GRHL2: variants seen among roughly 807,000 people sequenced by gnomAD.
The protein encoded by GRHL2 is grainyhead-like protein 2 homolog.
GRHL2 carries 21 observed loss-of-function variants against 83.8 expected under a neutral mutation model. The observed-to-expected ratio is 0.25, with a 90% CI of 0.18 to 0.36. GRHL2 has a LOEUF of 0.36. GRHL2 is among the 10% of genes least tolerant of loss of function. The probability of loss-of-function intolerance (pLI) is 1.00; values close to 1 mark genes in which losing one functional copy is unlikely to be tolerated. For missense variants in GRHL2, 623 were observed against 781.8 expected, an observed-to-expected ratio of 0.80 and a Z score of 2.42; for synonymous variants, 280 against 278.9, an observed-to-expected ratio of 1.00 and a Z score of -0.04.
intron 4 of GRHL2, among the ~76,000 whole-genome samples, chr8:101,562,651 C>A (rs1167285463): frequency 1.3e-5 from 2 of 152,154 alleles, no homozygotes; most frequent in African/African-American, 4.8e-5. Flanking sequence ...ATCTTGTATT[C>A]ATTGAATTGC....
chr8:101,657,563 G>T (rs1243974280), intron 14 of GRHL2, among the ~76,000 whole-genome samples: 1 of 152,130 alleles, frequency 6.6e-6, no homozygotes, highest in African/African-American at 2.4e-5. Context: ...AGAAAAGGCC[G>T]GGCGTAGTGG....
chr8:101,587,455 C>A (rs1368479429), intron 7 of GRHL2, among the ~76,000 whole-genome samples: 2 of 152,160 alleles, frequency 1.3e-5, no homozygotes, highest in African/African-American at 4.8e-5. Context: ...CACTGATAGA[C>A]CTGCTGTGTT....
intron 14 of GRHL2, among the ~76,000 whole-genome samples, chr8:101,661,948 T>C (rs769428352): frequency 1.4e-4 from 22 of 152,236 alleles, no homozygotes; most frequent in Admixed American, 2.6e-4. Context: ...TTCTTTTCCG[T>C]CATGATTTCC....
At chr8:101,520,005 G>T (rs1810650883) in intron 1 of GRHL2, among the ~76,000 whole-genome samples, 1 of 152,088 alleles carries the variant, frequency 6.6e-6, no homozygotes, top group Non-Finnish European at 1.5e-5. Flanking sequence ...AGTTTAATTG[G>T]CTTTTATTAT....
intron 1 of GRHL2, among the ~76,000 whole-genome samples, chr8:101,506,263 T>A (rs1810338504): frequency 6.6e-6 from 1 of 152,236 alleles, no homozygotes; most frequent in Non-Finnish European, 1.5e-5. Context: ...CCTGGGAGGT[T>A]TCTTTTTCTG....
intron 14 of GRHL2, among the ~76,000 whole-genome samples, chr8:101,661,377 C>T (rs1321260748): frequency 1.3e-5 from 2 of 152,056 alleles, no homozygotes; most frequent in Admixed American, 1.3e-4. Context: ...TCTAGTGGTC[C>T]CTTGAGGTCC....
chr8:101,565,393 A>G (rs1439911087), intron 4 of GRHL2, among the ~76,000 whole-genome samples: 2 of 152,212 alleles, frequency 1.3e-5, no homozygotes, highest in Non-Finnish European at 2.9e-5. Flanking sequence ...AGTTAACAAT[A>G]GTTTCTGGTT....
chr8:101,554,115 T>C (rs1474639409), intron 3 of GRHL2, among the ~76,000 whole-genome samples: 1 of 152,176 alleles, frequency 6.6e-6, no homozygotes, highest in Non-Finnish European at 1.5e-5. Context: ...CTTCTGTGAT[T>C]AGCAGCAGGG....
At chr8:101,588,459 A>G (rs1380146580) in intron 7 of GRHL2, among the ~76,000 whole-genome samples, 6 of 152,242 alleles carry the variant, frequency 3.9e-5, no homozygotes, top group Admixed American at 3.9e-4. Flanking sequence ...TTCCTGCAAC[A>G]AACTAGAATA....
intron 14 of GRHL2, among the ~76,000 whole-genome samples, chr8:101,662,240 G>A (rs1000756883): frequency 2.0e-5 from 3 of 149,808 alleles, no homozygotes; most frequent in African/African-American, 7.6e-5. Context: ...TGGATGTGTT[G>A]TTTTTCATCC....
chr8:101,505,198 C>A (rs1483107822), intron 1 of GRHL2, among the ~76,000 whole-genome samples: 2 of 152,118 alleles, frequency 1.3e-5, no homozygotes, highest in Non-Finnish European at 2.9e-5. Flanking sequence ...CTCCCCCATC[C>A]TTTTCTTCAT....
At chr8:101,523,170 C>A (rs540596342) in intron 1 of GRHL2, among the ~76,000 whole-genome samples, 1 of 152,014 alleles carries the variant, frequency 6.6e-6, no homozygotes, top group Non-Finnish European at 1.5e-5. Context: ...CCTCGGCCTC[C>A]CAAAGTGCTG....
chr8:101,613,004 G>A (rs931586935), intron 8 of GRHL2, among the ~76,000 whole-genome samples: 4 of 150,986 alleles, frequency 2.6e-5, no homozygotes, highest in Admixed American at 1.3e-4. Flanking sequence ...GGGTTTGAGA[G>A]GAGGAGGAAG....
chr8:101,647,985 T>C (rs775918149), intron 13 of GRHL2, among the ~76,000 whole-genome samples: 2 of 152,202 alleles, frequency 1.3e-5, no homozygotes, highest in Non-Finnish European at 2.9e-5. Context: ...GTGTCGCTGG[T>C]ACCCAGAGTT....
At chr8:101,665,918 T>G (rs12549642) in intron 15 of GRHL2, among the ~76,000 whole-genome samples, 19 of 151,942 alleles carry the variant, frequency 1.3e-4, no homozygotes, top group Non-Finnish European at 2.2e-4. Flanking sequence ...TAAAACTCTA[T>G]CAGGGATAGT....
chr8:101,598,971 T>C lies in GRHL2; in HGVS notation c.1004-86T>C. 6.6e-6 allele frequency: 6 copies of C among 911,172 alleles called. 1 individual carries two copies. Among genetic ancestry groups the C allele is most frequent in the South Asian group, 5.5e-5 (4 of 73,006 alleles). 56.4% of individuals were successfully genotyped at this position (911,172 alleles called of 1,614,324 possible). On this transcript the variant is annotated intron_variant, in intron 7 of 15. Transcript: ENST00000646743. ...GCCTGAAAAATAAACGAAGTTTAAATTTACCCATTGGAAAATGATGGTTCA... is the reference window on the plus strand; with the variant it reads ...GCCTGAAAAATAAACGAAGTTTAAACTTACCCATTGGAAAATGATGGTTCA...
intron 8 of GRHL2, among the ~76,000 whole-genome samples, chr8:101,605,409 A>T (rs1296775014): frequency 1.3e-5 from 2 of 152,182 alleles, no homozygotes; most frequent in African/African-American, 2.4e-5. Context: ...GAGAAATCTG[A>T]TTTTTGTTTT....
intron 1 of GRHL2, among the ~76,000 whole-genome samples, chr8:101,526,024 T>C (rs1361358962): frequency 6.6e-6 from 1 of 152,206 alleles, no homozygotes; most frequent in Non-Finnish European, 1.5e-5. Context: ...AGAAGAGTAG[T>C]GTTATTTCAC....
rs77518568 is a variant in GRHL2 at position 101,574,976 on chromosome 8, C to T, written c.891+1152C>T. Among the ~76,000 whole-genome samples the T allele has an allele frequency of 1.9e-3, 283 of 152,174 alleles. 10 individuals carry two copies. In the East Asian group the frequency reaches 0.047, roughly 25 times the overall value. ...TGATAAAGTTTCAGAAACTAGTAAC[C>T]GGCCAAGGTTACATAGCTAAAAGGT... is the stretch of plus-strand genomic sequence containing the variant. On this transcript the variant is annotated intron_variant, in intron 6 of 15. Transcript: ENST00000646743.
Sources: allele counts gnomAD v4.1 joint callset (sites outside exome capture counted in the v4.1 genomes callset), GRCh38; gene constraint gnomAD v4.1.1; transcripts MANE v1.5; gene names NCBI Gene and HGNC (gene_info 2026-07-23, HGNC 2026-07-21).